Variants in PFDN1 observed in about 807,000 individuals in gnomAD.
The protein encoded by PFDN1 is prefoldin subunit 1, also known as prefoldin 1.
A neutral mutation model predicts 17.3 loss-of-function variants in PFDN1; 6 were observed. The ratio of observed to expected loss-of-function variants is 0.35; its 90% CI spans 0.19 to 0.69. The LOEUF is 0.69. PFDN1 is among the 30% of genes least tolerant of loss of function. The pLI is 0.65. For missense variants in PFDN1, 113 were observed against 146.2 expected (o/e 0.77, Z 1.17); for synonymous variants, 58 against 50.1 (o/e 1.16, Z -0.67).
chr5:140,255,133 A>T (rs1380309298), intron 3 of PFDN1, among the ~76,000 whole-genome samples: 1 of 152,204 alleles, frequency 6.6e-6, no homozygotes, highest in Non-Finnish European at 1.5e-5. Context: ...TAACTATTTC[A>T]TGCTTTGTCT....
intron 2 of PFDN1, among the ~76,000 whole-genome samples, chr5:140,289,620 GC>G (rs1765549318): frequency 6.6e-6 from 1 of 152,018 alleles, no homozygotes. Context: ...TATTTTCAAG[GC>G]CTCAACTTAG....
In PFDN1 at chr5:140,281,731, G is replaced by A. The variant is rs1291347054; in HGVS notation, c.201-198C>T. On this transcript the variant is annotated intron_variant, in intron 2 of 3. Transcript: ENST00000261813. ...GAATAAAGGCTTAAAAGTAGATTCT[G>A]CTTTCTTATTTAATATAGGAATCAG... The A allele has an allele frequency of 7.9e-6, 4 of 508,796 alleles. No homozygotes were observed. In the African/African-American group the frequency reaches 7.9e-5, roughly 10 times the overall value. The allele number at this position is 508,796 out of a possible 1,614,324, so 31.5% of individuals were successfully genotyped here.
At chr5:140,301,537 G>T (rs1455099747) in intron 1 of PFDN1, among the ~76,000 whole-genome samples, 1 of 152,126 alleles carries the variant, frequency 6.6e-6, no homozygotes, top group East Asian at 1.9e-4. Context: ...GTAAGGTTTT[G>T]AAAGATTTAC....
At chr5:140,252,893 G>A (rs1278481135) in intron 3 of PFDN1, among the ~76,000 whole-genome samples, 3 of 152,208 alleles carry the variant, frequency 2.0e-5, no homozygotes, top group Non-Finnish European at 2.9e-5. Flanking sequence ...AGCCTGGATG[G>A]GTGAGGAGGG....
intron 3 of PFDN1, among the ~76,000 whole-genome samples, chr5:140,250,974 G>A (rs1438654364): frequency 6.6e-6 from 1 of 151,964 alleles, no homozygotes; most frequent in Admixed American, 6.6e-5. Context: ...TTGCTCTGTT[G>A]CCTAAGGTAG....
intron 3 of PFDN1, among the ~76,000 whole-genome samples, chr5:140,246,551 C>T (rs1203831573): frequency 6.6e-6 from 1 of 152,188 alleles, no homozygotes; most frequent in Admixed American, 6.5e-5. Context: ...GGGGCTGTCT[C>T]GCATCGCACT....
chr5:140,248,946 C>T (rs985260519), intron 3 of PFDN1, among the ~76,000 whole-genome samples: 1 of 152,212 alleles, frequency 6.6e-6, no homozygotes, highest in African/African-American at 2.4e-5. Flanking sequence ...GCATGTGCCA[C>T]GATACTGCCT....
chr5:140,267,502 G>A (rs1765149484), intron 3 of PFDN1, among the ~76,000 whole-genome samples: 1 of 152,178 alleles, frequency 6.6e-6, no homozygotes, highest in Non-Finnish European at 1.5e-5. Flanking sequence ...TGGGGTTTGA[G>A]AAAAGGGAGA....
At position 140,280,014 on chromosome 5, in the gene PFDN1, C is replaced by CAAAAAAAAA. The variant is rs5871731; in HGVS notation, c.285+1434_285+1435insTTTTTTTTT. ...CCGTCTCAAAAAAAAAAAAAAAAAA[C>CAAAAAAAAA]AAAAAAAGAAAAGAAAAGAAAAGAA... On this transcript the variant is annotated intron_variant, in intron 3 of 3. Coordinates refer to ENST00000261813, the MANE Select transcript of PFDN1 (RefSeq NM_002622.5). 1.3e-3 allele frequency among the ~76,000 whole-genome samples: 124 copies of CAAAAAAAAA among 99,122 alleles called. 5 individuals carry two copies. The highest frequency in any genetic ancestry group is 6.0e-3 in the African/African-American group (119 of 19,934). 65.0% of individuals were successfully genotyped at this position (99,122 alleles called of 152,430 possible).
intron 2 of PFDN1, among the ~76,000 whole-genome samples, chr5:140,297,200 T>C (rs550894727): frequency 6.6e-6 from 1 of 152,216 alleles, no homozygotes; most frequent in Non-Finnish European, 1.5e-5. Context: ...AACCATTTTA[T>C]TACGGTTTTA....
chr5:140,299,342 C>A (rs542442789), intron 2 of PFDN1, among the ~76,000 whole-genome samples: 1 of 152,178 alleles, frequency 6.6e-6, no homozygotes, highest in Non-Finnish European at 1.5e-5. Flanking sequence ...CGGTGGCTCA[C>A]GCCTGTAATC....
intron 3 of PFDN1, among the ~76,000 whole-genome samples, chr5:140,275,604 G>A (rs1336017434): frequency 6.6e-6 from 1 of 152,040 alleles, no homozygotes; most frequent in Non-Finnish European, 1.5e-5. Context: ...ACAAAGTCTA[G>A]GTAAGCTTTG....
intron 3 of PFDN1, among the ~76,000 whole-genome samples, chr5:140,259,339 A>G (rs943668771): frequency 1.1e-4 from 16 of 152,222 alleles, no homozygotes; most frequent in African/African-American, 3.9e-4. Context: ...CCTATCTTCA[A>G]TGAGACATTG....
At chr5:140,290,345 C>T (rs369586793) in intron 2 of PFDN1, among the ~76,000 whole-genome samples, 1 of 152,156 alleles carries the variant, frequency 6.6e-6, no homozygotes, top group African/African-American at 2.4e-5. Context: ...AAACATGGCA[C>T]TTTCTCACTC....
chr5:140,286,603 GGGGGGGGGGGGGGGGGGCGGGGGA>G (rs1161717706), intron 2 of PFDN1, among the ~76,000 whole-genome samples: 1 of 42,236 alleles, frequency 2.4e-5, no homozygotes, highest in East Asian at 9.8e-4. Context: ...TTTGCGGGGG[GGGGGGGGGGGGGGGGGGCGGGGGA>G]GACAGTCTTG....
chr5:140,276,567 G>C (rs1026223766), intron 3 of PFDN1, among the ~76,000 whole-genome samples: 1 of 151,996 alleles, frequency 6.6e-6, no homozygotes, highest in Non-Finnish European at 1.5e-5. Context: ...GATCATCTGA[G>C]GTCAGGAGTT....
At chr5:140,264,002 C>A in intron 3 of PFDN1, among the ~76,000 whole-genome samples, 1 of 106,242 alleles carries the variant, frequency 9.4e-6, no homozygotes, top group Admixed American at 1.2e-4. Flanking sequence ...GCCTGGGGGT[C>A]AGAGTGAGAC....
intron 3 of PFDN1, among the ~76,000 whole-genome samples, chr5:140,261,194 T>C (rs985977546): frequency 6.6e-6 from 1 of 150,528 alleles, no homozygotes; most frequent in African/African-American, 2.5e-5. Context: ...AAGGATATTT[T>C]AAAAAAAGAC....
intron 1 of PFDN1, among the ~76,000 whole-genome samples, chr5:140,300,827 A>G (rs116606924): frequency 1.3e-3 from 195 of 152,374 alleles, no homozygotes; most frequent in African/African-American, 3.7e-3. Flanking sequence ...AACCATATTA[A>G]GTAGCAAGTA....
Sources: allele counts gnomAD v4.1 joint callset (sites outside exome capture counted in the v4.1 genomes callset), GRCh38; gene constraint gnomAD v4.1.1; transcripts MANE v1.5; gene names NCBI Gene and HGNC (gene_info 2026-07-23, HGNC 2026-07-21).